CBFB: variants seen among roughly 807,000 people sequenced by gnomAD.
CBFB encodes the protein CBF-beta.
In CBFB, 9 loss-of-function variants were observed where a neutral mutation model predicts 30.4. That is an observed-to-expected ratio of 0.30 (90% CI 0.18 to 0.52). The LOEUF (loss-of-function observed/expected upper bound fraction) is 0.52. Ranked by LOEUF, CBFB falls within the 20% of genes least tolerant of loss-of-function variation. The pLI is 0.97. For missense variants in CBFB, 170 were observed against 244.0 expected, an observed-to-expected ratio of 0.70 and a Z score of 2.02; for synonymous variants, 94 against 84.0, an observed-to-expected ratio of 1.12 and a Z score of -0.65.
At chr16:67,075,638 A>G (rs1961374165) in intron 4 of CBFB, among the ~76,000 whole-genome samples, 1 of 152,204 alleles carries the variant, frequency 6.6e-6, no homozygotes, top group Admixed American at 6.5e-5. Context: ...GTGAATATGC[A>G]TATTCATCAC....
At chr16:67,081,572 C>T (rs531848102) in intron 4 of CBFB, among the ~76,000 whole-genome samples, 40 of 151,966 alleles carry the variant, frequency 2.6e-4, no homozygotes, top group African/African-American at 8.7e-4. Flanking sequence ...GAGGCCAAGA[C>T]GGGAGGATCT....
intron 5 of CBFB, among the ~76,000 whole-genome samples, chr16:67,083,179 T>A (rs1256990753): frequency 6.6e-6 from 1 of 152,078 alleles, no homozygotes; most frequent in Non-Finnish European, 1.5e-5. Flanking sequence ...ATCCTGCCTT[T>A]AGGAAATAAA....
intron 5 of CBFB, among the ~76,000 whole-genome samples, chr16:67,085,520 G>A (rs1671615270): frequency 7.5e-6 from 1 of 133,774 alleles, no homozygotes; most frequent in African/African-American, 2.8e-5. Flanking sequence ...GGGGAGATGG[G>A]GTCTCACTCT....
chr16:67,039,624 A>G (rs1966497913), intron 3 of CBFB, among the ~76,000 whole-genome samples: 1 of 151,450 alleles, frequency 6.6e-6, no homozygotes, highest in Non-Finnish European at 1.5e-5. Context: ...ACATGAATGT[A>G]TTAAAAAGAT....
intron 3 of CBFB, among the ~76,000 whole-genome samples, chr16:67,057,972 T>C (rs181153922): frequency 2.2e-4 from 34 of 152,360 alleles, no homozygotes; most frequent in African/African-American, 7.7e-4. Flanking sequence ...GATGGCCTGA[T>C]TGTTTTATGT....
rs1383956300 is a variant in CBFB at position 67,048,877 on chromosome 16, A to G, written c.282+12122A>G. Among the ~76,000 whole-genome samples the G allele has an allele frequency of 3.0e-4, 39 of 130,356 alleles. 1 individual carries two copies. Among genetic ancestry groups the G allele is most frequent in the African/African-American group, 8.1e-4 (27 of 33,540 alleles). The allele number at this position is 130,356 out of a possible 152,430, so 85.5% of individuals were successfully genotyped here. ...CTCTTGTTGTCCAGACTGGAGTGCA[A>G]TGGCGCCATCTCAGCTCACCACGAC... is the stretch of plus-strand genomic sequence containing the variant. On this transcript the variant is annotated intron_variant, in intron 3 of 5. Transcript: ENST00000412916.
chr16:67,079,547 C>T (rs1248353564), intron 4 of CBFB, among the ~76,000 whole-genome samples: 2 of 106,046 alleles, frequency 1.9e-5, no homozygotes, highest in Admixed American at 2.4e-4. Flanking sequence ...TTGACCCCAA[C>T]GTGATATGAG....
chr16:67,083,152 C>G (rs1314469344), intron 5 of CBFB, among the ~76,000 whole-genome samples: 2 of 152,124 alleles, frequency 1.3e-5, no homozygotes, highest in African/African-American at 4.8e-5. Flanking sequence ...GTATTCCAGC[C>G]TGGATGACAG....
At chr16:67,052,338 G>C (rs1167657058) in intron 3 of CBFB, among the ~76,000 whole-genome samples, 1 of 152,208 alleles carries the variant, frequency 6.6e-6, no homozygotes, top group Non-Finnish European at 1.5e-5. Context: ...GGGAGGCCAA[G>C]GTGGGAAGAT....
At chr16:67,065,848 G>T (rs1433816632) in intron 3 of CBFB, among the ~76,000 whole-genome samples, 1 of 152,080 alleles carries the variant, frequency 6.6e-6, no homozygotes, top group Non-Finnish European at 1.5e-5. Context: ...TCACCTTACT[G>T]TTGCCTATTG....
At position 67,035,076 on chromosome 16, in the gene CBFB, G is replaced by GT. The variant is rs551348398; in HGVS notation, c.166-1555dup. Among the ~76,000 whole-genome samples, 532 of 151,524 alleles carry GT rather than the reference G, an allele frequency of 3.5e-3. 4 individuals are homozygous for GT. The highest frequency in any genetic ancestry group is 8.2e-3 in the South Asian group (39 of 4,778). Reference sequence around the variant, plus strand: ...GATTTATGCTCGTAGTACATGGGAAGTTTTTTTTGTTTTTTGTTTTTGTGA... The same window carrying GT: ...GATTTATGCTCGTAGTACATGGGAAGTTTTTTTTTGTTTTTTGTTTTTGTGA... On this transcript the variant is annotated intron_variant, in intron 2 of 5. Coordinates refer to ENST00000412916, the MANE Select transcript of CBFB (RefSeq NM_022845.3).
chr16:67,095,307 A>G (rs1962012405), intron 5 of CBFB, among the ~76,000 whole-genome samples: 2 of 150,402 alleles, frequency 1.3e-5, no homozygotes, highest in African/African-American at 4.9e-5. Flanking sequence ...TCACGAGGTC[A>G]GGAGATTGAG....
At chr16:67,041,206 C>T (rs1039510214) in intron 3 of CBFB, among the ~76,000 whole-genome samples, 1 of 152,140 alleles carries the variant, frequency 6.6e-6, no homozygotes, top group African/African-American at 2.4e-5. Context: ...TCCGAAGTAG[C>T]TGGGAGTAAA....
In CBFB at chr16:67,069,465, A is replaced by C. The variant is rs550292550; in HGVS notation, c.399+2667A>C. Among the ~76,000 whole-genome samples the C allele has an allele frequency of 3.3e-5, 5 of 152,316 alleles. No individual in the cohort carries two copies. In the South Asian group the frequency reaches 1.0e-3, roughly 32 times the overall value. ...ATAAGAGCTGACATATGAACAAGAA[A>C]AATTAACAGTCTTGGGGACCTGTGG... On this transcript the variant is annotated intron_variant, in intron 4 of 5. Transcript: ENST00000412916.
At chr16:67,098,216 A>C (rs1036306022) in intron 5 of CBFB, among the ~76,000 whole-genome samples, 8 of 151,950 alleles carry the variant, frequency 5.3e-5, no homozygotes, top group South Asian at 2.1e-4. Flanking sequence ...GCTCACGGCA[A>C]CCTCCACCTC....
intron 4 of CBFB, among the ~76,000 whole-genome samples, chr16:67,080,190 G>A (rs994323062): frequency 6.6e-6 from 1 of 151,452 alleles, no homozygotes; most frequent in African/African-American, 2.4e-5. Flanking sequence ...TTTTAAGTTG[G>A]GGGCATTGTA....
intron 3 of CBFB, among the ~76,000 whole-genome samples, chr16:67,052,008 C>T (rs1247826705): frequency 6.6e-6 from 1 of 151,870 alleles, no homozygotes; most frequent in Non-Finnish European, 1.5e-5. Context: ...GGCTCTGTCA[C>T]CCAAGCTGGA....
At chr16:67,051,893 G>T (rs1597134183) in intron 3 of CBFB, among the ~76,000 whole-genome samples, 1 of 140,974 alleles carries the variant, frequency 7.1e-6, no homozygotes, top group South Asian at 2.2e-4. Flanking sequence ...GGGATTACAG[G>T]CATATATATA....
intron 3 of CBFB, among the ~76,000 whole-genome samples, chr16:67,039,048 CAT>C (rs1433526278): frequency 2.6e-5 from 4 of 152,182 alleles, no homozygotes; most frequent in Admixed American, 1.3e-4. Context: ...CTAGTACAGT[CAT>C]GTGTCACTTA....
Sources: gnomAD v4.1 joint callset for allele counts (sites outside exome capture counted in the v4.1 genomes callset) on GRCh38, gnomAD v4.1.1 for gene constraint, MANE v1.5 for transcripts, NCBI Gene and HGNC (gene_info 2026-07-23, HGNC 2026-07-21) for gene names.